PREX2: variants seen among roughly 807,000 people sequenced by gnomAD.
PREX2 encodes phosphatidylinositol 3,4,5-trisphosphate-dependent Rac exchanger 2 protein.
Under a neutral mutation model 203.2 loss-of-function variants are expected in PREX2, and 107 were observed. The ratio of observed to expected loss-of-function variants is 0.53; its 90% CI spans 0.45 to 0.62. PREX2 has a LOEUF of 0.62. PREX2 is among the 20% of genes least tolerant of loss of function. The probability of loss-of-function intolerance (pLI) is 0.00; values close to 1 mark genes in which losing one functional copy is unlikely to be tolerated. For synonymous variants in PREX2, 672 were observed against 663.6 expected (o/e 1.01, Z -0.19); for missense variants, 1,777 against 1,955.9 (o/e 0.91, Z 1.72).
At chr8:68,067,551 T>C (rs950422343) in intron 11 of PREX2, among the ~76,000 whole-genome samples, 10 of 152,198 alleles carry the variant, frequency 6.6e-5, no homozygotes, top group African/African-American at 1.9e-4. Context: ...AGTGCATTGT[T>C]AGTATATGGA....
intron 1 of PREX2, among the ~76,000 whole-genome samples, chr8:68,004,556 C>T (rs182734135): frequency 3.9e-4 from 59 of 152,332 alleles, no homozygotes; most frequent in African/African-American, 1.4e-3. Flanking sequence ...TTTCTTGCCA[C>T]TGATAAAAGG....
chr8:68,094,475 G>A (rs930170137), intron 21 of PREX2, among the ~76,000 whole-genome samples: 5 of 152,144 alleles, frequency 3.3e-5, no homozygotes, highest in African/African-American at 1.2e-4. Flanking sequence ...TGCCAAGGGC[G>A]ACAGAGGCAA....
At chr8:68,046,155 T>C (rs1008536374) in intron 8 of PREX2, among the ~76,000 whole-genome samples, 3 of 152,188 alleles carry the variant, frequency 2.0e-5, no homozygotes, top group Admixed American at 6.5e-5. Context: ...CCCATGGGCA[T>C]AGAGTCCCTG....
chr8:68,187,503 A>G lies in PREX2; in HGVS notation c.4347-4219A>G, dbSNP rs577022028. Among the ~76,000 whole-genome samples the G allele has an allele frequency of 2.6e-5, 4 of 152,306 alleles. No homozygotes were observed. The South Asian group carries it at 6.2e-4, about 24-fold the overall frequency. ...GTCCTATATGCTTATCACACTAATG[A>G]TCATTTCATATGCATTAATTTAATC... On this transcript the variant is annotated intron_variant, in intron 35 of 39. Coordinates refer to ENST00000288368, the MANE Select transcript of PREX2 (RefSeq NM_024870.4).
chr8:68,229,658 T>C (rs970586843), intron 39 of PREX2, among the ~76,000 whole-genome samples: 1 of 152,174 alleles, frequency 6.6e-6, no homozygotes, highest in African/African-American at 2.4e-5. Context: ...TACCCAGTGC[T>C]ATTAGTTACA....
intron 31 of PREX2, among the ~76,000 whole-genome samples, 196 bp downstream of exon 31, chr8:68,127,615 T>C (rs1405756159): frequency 1.3e-5 from 2 of 149,114 alleles, no homozygotes; most frequent in East Asian, 1.9e-4. Context: ...TATATATACA[T>C]ATATATATAT....
chr8:68,134,200 C>G lies in PREX2; in HGVS notation c.3908C>G (p.Ala1303Gly), dbSNP rs374052041. The G allele has an allele frequency of 6.2e-7, 1 of 1,614,018 alleles. No homozygotes were observed. The highest frequency in any genetic ancestry group is 1.3e-5 in the African/African-American group (1 of 74,910). Residue 1303 changes from alanine to glycine, a missense_variant, in exon 32 of 40, where the codon GCC becomes GGC. Coordinates refer to ENST00000288368, the MANE Select transcript of PREX2 (RefSeq NM_024870.4). ...SKENEMETWE[A>G]SRRWLDQIAN... The stretch of plus-strand genomic sequence containing the variant: ...GAAAATGAGATGGAAACTTGGGAAG[C>G]CAGCAGGAGGTGGCTGGACCAGATA...
intron 31 of PREX2, 117 bp downstream of exon 31, chr8:68,127,536 C>T (rs1389755883): frequency 3.1e-6 from 2 of 638,564 alleles, no homozygotes; most frequent in East Asian, 2.8e-5. Flanking sequence ...AATATGATCC[C>T]TACCTTCTCC....
intron 13 of PREX2, 63 bp downstream of exon 13, chr8:68,069,947 A>G: frequency 1.1e-6 from 1 of 883,244 alleles, no homozygotes; most frequent in Non-Finnish European, 1.8e-6. Context: ...GTTTTAGGTA[A>G]ATATTATTCA....
In PREX2 at chr8:68,221,689, G is replaced by A. The variant is rs554192610; in HGVS notation, c.4708-2870G>A. The stretch of plus-strand genomic sequence containing the variant: ...CAAGTAGCTGGAGTGTTGAGTTTAT[G>A]AACAATATAGATGAATTTAAAGTGA... On this transcript the variant is annotated intron_variant, in intron 38 of 39. Transcript: ENST00000288368. Among the ~76,000 whole-genome samples the A allele has an allele frequency of 5.9e-5, 9 of 152,218 alleles. No individual in the cohort carries two copies. The South Asian group carries it at 1.9e-3, about 32-fold the overall frequency.
chr8:68,228,652 G>A (rs1026623236), intron 39 of PREX2, among the ~76,000 whole-genome samples: 2 of 151,980 alleles, frequency 1.3e-5, no homozygotes, highest in Non-Finnish European at 2.9e-5. Flanking sequence ...TGTAGTCCCA[G>A]CTACTCGGGA....
At position 68,120,350 on chromosome 8, in the gene PREX2, C is replaced by T. The variant is rs1439524233; in HGVS notation, c.3595+64C>T. 15 of 1,104,662 alleles carry T rather than the reference C, an allele frequency of 1.4e-5. 1 individual carries two copies. The East Asian group carries it at 3.5e-4, about 26-fold the overall frequency. 68.4% of individuals were successfully genotyped at this position (1,104,662 alleles called of 1,614,324 possible). On this transcript the variant is annotated intron_variant, in intron 29 of 39. Coordinates refer to ENST00000288368, the MANE Select transcript of PREX2 (RefSeq NM_024870.4). Reference sequence around the variant, plus strand: ...AAAACAAGGTGGTAGACAATATAGTCATGAAGCAAGCAGATTGCATAAGAG... The same window carrying T: ...AAAACAAGGTGGTAGACAATATAGTTATGAAGCAAGCAGATTGCATAAGAG...
At chr8:68,101,266 G>T (rs369154329) in intron 23 of PREX2, 1 of 485,908 alleles carries the variant, frequency 2.1e-6, no homozygotes. Flanking sequence ...AATACCCAAG[G>T]GACTCACAAC....
At chr8:67,991,401 A>T (rs898999547) in intron 1 of PREX2, among the ~76,000 whole-genome samples, 1 of 152,160 alleles carries the variant, frequency 6.6e-6, no homozygotes, top group African/African-American at 2.4e-5. Context: ...AGACTAGGTA[A>T]TTTATAAAGG....
At chr8:67,961,255 T>A (rs1805625601) in intron 1 of PREX2, among the ~76,000 whole-genome samples, 2 of 152,038 alleles carry the variant, frequency 1.3e-5, no homozygotes, top group Non-Finnish European at 2.9e-5. Context: ...AATAATTGTT[T>A]TAGTTTGCAT....
At chr8:68,170,209 G>T (rs1811848051) in intron 35 of PREX2, among the ~76,000 whole-genome samples, 1 of 152,196 alleles carries the variant, frequency 6.6e-6, no homozygotes, top group Non-Finnish European at 1.5e-5. Context: ...GTGTTGAGAG[G>T]GATGGACAGA....
At chr8:68,001,109 T>G (rs6997941) in intron 1 of PREX2, among the ~76,000 whole-genome samples, 87,344 of 152,002 alleles carry the variant, frequency 0.57, 25,382 homozygotes, top group South Asian at 0.66. Flanking sequence ...AGGATGTAAT[T>G]AAACTTAAGA....
chr8:68,031,168 A>C (rs1437938448), intron 6 of PREX2, among the ~76,000 whole-genome samples: 3 of 152,182 alleles, frequency 2.0e-5, no homozygotes, highest in Admixed American at 6.5e-5. Context: ...CTGAGTCACT[A>C]AGGAAATTTT....
chr8:68,015,808 T>A (rs11784111), intron 1 of PREX2, among the ~76,000 whole-genome samples: 69,413 of 152,084 alleles, frequency 0.46, 20,016 homozygotes, highest in African/African-American at 0.83. Context: ...TACTAATAAA[T>A]TGAGTACTTA....
Sources: allele counts gnomAD v4.1 joint callset (sites outside exome capture counted in the v4.1 genomes callset), GRCh38; gene constraint gnomAD v4.1.1; transcripts MANE v1.5; gene names NCBI Gene and HGNC (gene_info 2026-07-23, HGNC 2026-07-21).